The following CD46 variants were observed in gnomAD, a reference collection of about 807,000 sequenced individuals.
CD46 encodes CD46 molecule.
Under a neutral mutation model 53.3 loss-of-function variants are expected in CD46, and 30 were observed. That is an observed-to-expected ratio of 0.56 (90% CI 0.42 to 0.76). The LOEUF is 0.76. Ranked by LOEUF, CD46 falls within the 30% of genes least tolerant of loss-of-function variation. The probability of loss-of-function intolerance (pLI) is 0.00; values close to 1 mark genes in which losing one functional copy is unlikely to be tolerated. For synonymous variants in CD46, 142 were observed against 152.0 expected (o/e 0.93, Z 0.48); for missense variants, 409 against 463.0 (o/e 0.88, Z 1.07).
intron 11 of CD46, among the ~76,000 whole-genome samples, chr1:207,788,499 C>T (rs917093049): frequency 1.3e-5 from 2 of 152,102 alleles, no homozygotes; most frequent in African/African-American, 4.8e-5. Context: ...GCCTGGGTGA[C>T]GGAGTGAGAC....
At chr1:207,786,510 AAGATT>A (rs1303671699) in intron 11 of CD46, among the ~76,000 whole-genome samples, 8 of 152,340 alleles carry the variant, frequency 5.3e-5, no homozygotes, top group Admixed American at 2.6e-4. Context: ...AACACAGACT[AAGATT>A]AGGTGCTTTG....
intron 3 of CD46, 107 bp downstream of exon 3, chr1:207,757,749 A>G: frequency 1.3e-6 from 1 of 744,886 alleles, no homozygotes; most frequent in Non-Finnish European, 2.4e-6. Context: ...CTATGTGACA[A>G]GTTATACTTC....
intron 11 of CD46, among the ~76,000 whole-genome samples, chr1:207,789,394 T>C (rs775276274): frequency 2.6e-5 from 4 of 152,224 alleles, no homozygotes; most frequent in Non-Finnish European, 5.9e-5. Context: ...TTGGGGCATA[T>C]AGTGACATGG....
intron 9 of CD46, among the ~76,000 whole-genome samples, chr1:207,784,697 T>C (rs948801656): frequency 2.0e-5 from 3 of 152,192 alleles, no homozygotes; most frequent in Admixed American, 2.0e-4. Context: ...TTTAACTGAC[T>C]CAGTTCTGCA....
chr1:207,763,677 T>C (rs1656493828), intron 5 of CD46, among the ~76,000 whole-genome samples: 1 of 152,144 alleles, frequency 6.6e-6, no homozygotes, highest in Non-Finnish European at 1.5e-5. Context: ...GAATATTTTT[T>C]ATTTTTTTTC....
At chr1:207,786,048 C>T (rs536872347) in intron 11 of CD46, 96 of 212,144 alleles carry the variant, frequency 4.5e-4, no homozygotes, top group Non-Finnish European at 7.0e-4. Flanking sequence ...TAAAGTATTT[C>T]ACTGTGGAGA....
At chr1:207,773,707 G>C (rs1395249152) in intron 8 of CD46, among the ~76,000 whole-genome samples, 2 of 152,112 alleles carry the variant, frequency 1.3e-5, no homozygotes, top group African/African-American at 2.4e-5. Flanking sequence ...GTGTGGTTTT[G>C]AGTGAATTTA....
At chr1:207,781,001 A>C (rs1300269431) in intron 8 of CD46, among the ~76,000 whole-genome samples, 1 of 151,522 alleles carries the variant, frequency 6.6e-6, no homozygotes, top group African/African-American at 2.4e-5. Context: ...CCCTGCAATA[A>C]CGACATTAGT....
At position 207,755,223 on chromosome 1, in the gene CD46, A is replaced by G. The variant is rs41316833; in HGVS notation, c.98-1791A>G. On this transcript the variant is annotated intron_variant, in intron 1 of 12. Coordinates refer to ENST00000367042, the MANE Select transcript of CD46 (RefSeq NM_172351.3). ...GCGATTTGAAATAGAGGAACATAGA[A>G]TTATGAAATGAATAGGGTGCAACAT... is the stretch of plus-strand genomic sequence containing the variant. Among the ~76,000 whole-genome samples, 780 of 152,338 alleles carry G rather than the reference A, an allele frequency of 5.1e-3. 15 individuals are homozygous for G. Among genetic ancestry groups the G allele is most frequent in the African/African-American group, 0.018 (746 of 41,572 alleles).
intron 8 of CD46, among the ~76,000 whole-genome samples, chr1:207,776,519 A>T (rs906409698): frequency 4.6e-5 from 7 of 152,260 alleles, no homozygotes; most frequent in Admixed American, 1.3e-4. Context: ...AAATTTTTTT[A>T]AATTAAAAAC....
At chr1:207,763,738 CAGTTT>C (rs1461551876) in intron 5 of CD46, among the ~76,000 whole-genome samples, 4 of 151,402 alleles carry the variant, frequency 2.6e-5, no homozygotes, top group Non-Finnish European at 5.9e-5. Context: ...AGAGCCTACA[CAGTTT>C]AGTTGGTACA....
Position 207,770,305 on chromosome 1 carries a change from A to G in CD46, c.902-16A>G. The G allele has an allele frequency of 6.3e-7, 1 of 1,590,378 alleles. No homozygotes were observed. Among genetic ancestry groups the G allele is most frequent in the Non-Finnish European group, 8.6e-7 (1 of 1,159,094 alleles). ...AAGGCCCTGGTGAATTTATAAAATC[A>G]AACTTATTTTTCTAGGTCCTAGGCC... On this transcript the variant is annotated splice_polypyrimidine_tract_variant and intron_variant, in intron 7 of 12. Coordinates refer to ENST00000367042, the MANE Select transcript of CD46 (RefSeq NM_172351.3).
intron 2 of CD46, 64 bp downstream of exon 2, chr1:207,757,266 C>T: frequency 2.3e-6 from 3 of 1,328,114 alleles, no homozygotes; most frequent in Non-Finnish European, 3.2e-6. Context: ...TTTTGGGGTA[C>T]ATATTCCACT....
At chr1:207,775,224 C>G (rs2102637300) in intron 8 of CD46, among the ~76,000 whole-genome samples, 1 of 152,272 alleles carries the variant, frequency 6.6e-6, no homozygotes, top group African/African-American at 2.4e-5. Context: ...TGGTTTTCAG[C>G]TCCATCATGT....
At chr1:207,754,972 T>C (rs534334929) in intron 1 of CD46, among the ~76,000 whole-genome samples, 1 of 131,330 alleles carries the variant, frequency 7.6e-6, no homozygotes, top group Non-Finnish European at 1.6e-5. Context: ...AAAAAAAAAA[T>C]TAGCCAGGTG....
rs189171225 is a variant in CD46 at position 207,763,637 on chromosome 1, A to G, written c.673+2191A>G. 2.3e-3 allele frequency among the ~76,000 whole-genome samples: 354 copies of G among 152,016 alleles called. 4 individuals carry two copies. The highest frequency in any genetic ancestry group is 7.1e-3 in the Admixed American group (108 of 15,290). ...TGAGCAATAAGTTTTCTTAAGATAT[A>G]TATATTTTAATCTTTTTAGTTTTAT... On this transcript the variant is annotated intron_variant, in intron 5 of 12. Coordinates refer to ENST00000367042, the MANE Select transcript of CD46 (RefSeq NM_172351.3).
chr1:207,790,509 C>T (rs2102713102), intron 12 of CD46, among the ~76,000 whole-genome samples, 164 bp downstream of exon 12: 1 of 152,246 alleles, frequency 6.6e-6, no homozygotes. Flanking sequence ...GTTCTTATAC[C>T]ATTCCCTTTG....
chr1:207,756,605 G>C (rs1231464213), intron 1 of CD46, among the ~76,000 whole-genome samples: 2 of 152,204 alleles, frequency 1.3e-5, no homozygotes, highest in African/African-American at 4.8e-5. Flanking sequence ...GAAGTGACAA[G>C]CTGTTATAAG....
rs879216022 is a variant in CD46, at chr1:207,793,953, C to G, written c.*476C>G. The stretch of plus-strand genomic sequence containing the variant: ...AAAGTGGCTTGAAATCTTTTTTGTT[C>G]AAAGATTAATGCCAACTCTTAAGAT... On this transcript the variant is annotated 3_prime_UTR_variant, in exon 13 of 13. Coordinates refer to ENST00000367042, the MANE Select transcript of CD46 (RefSeq NM_172351.3). The G allele has an allele frequency of 1.2e-5, 3 of 242,440 alleles. No homozygotes were observed. The East Asian group carries it at 2.8e-4, about 22-fold the overall frequency. 15.0% of individuals were successfully genotyped at this position (242,440 alleles called of 1,614,324 possible). A position where few individuals can be genotyped will look rare whatever the true frequency, so the allele number is the denominator to read the frequency against.
Sources: gnomAD v4.1 joint callset for allele counts (sites outside exome capture counted in the v4.1 genomes callset) on GRCh38, gnomAD v4.1.1 for gene constraint, MANE v1.5 for transcripts, NCBI Gene and HGNC (gene_info 2026-07-23, HGNC 2026-07-21) for gene names.